Variants in ATP2B2 observed in about 807,000 individuals in gnomAD.
ATP2B2 encodes the protein ATPase plasma membrane Ca2+ transporting 2.
ATP2B2 carries 15 observed loss-of-function variants against 120.0 expected under a neutral mutation model. The ratio of observed to expected loss-of-function variants is 0.12; its 90% CI spans 0.08 to 0.19. The LOEUF (loss-of-function observed/expected upper bound fraction) is 0.19, where lower values mean the gene tolerates loss of function less well. ATP2B2 is among the 10% of genes least tolerant of loss of function. The pLI is 1.00. For synonymous variants in ATP2B2, 694 were observed against 700.3 expected, an observed-to-expected ratio of 0.99 and a Z score of 0.14; for missense variants, 1,045 against 1,719.8, an observed-to-expected ratio of 0.61 and a Z score of 6.94.
chr3:10,581,557 G>C (rs2125561678), intron 2 of ATP2B2, among the ~76,000 whole-genome samples: 1 of 152,354 alleles, frequency 6.6e-6, no homozygotes, highest in African/African-American at 2.4e-5. Context: ...AGGGTCCCAA[G>C]AGGCTGCCAA....
Position 10,346,226 on chromosome 3 carries a change from G to C in ATP2B2, c.2405-89C>G. On this transcript the variant is annotated intron_variant, in intron 16 of 22. Coordinates refer to ENST00000360273, the MANE Select transcript of ATP2B2 (RefSeq NM_001001331.4). This position sits in a 1 kb window ranked among gnomAD's most constrained non-coding sequence, Gnocchi z 4.1. ...CTGGTCCTCGGGAGGGGCCTGGCTG[G>C]GCATGGCTTCCTCTCTGGTCCCTGT... The C allele has an allele frequency of 7.7e-7, 1 of 1,303,200 alleles. No homozygotes were observed. 80.7% of individuals were successfully genotyped at this position (1,303,200 alleles called of 1,614,324 possible).
At chr3:10,535,027 C>A (rs1031399165) in intron 2 of ATP2B2, among the ~76,000 whole-genome samples, 1 of 151,308 alleles carries the variant, frequency 6.6e-6, no homozygotes. Flanking sequence ...CCTCAGCCTC[C>A]CAAGGGGCCA....
intron 2 of ATP2B2, among the ~76,000 whole-genome samples, chr3:10,578,710 G>T (rs1020149536): frequency 2.6e-5 from 4 of 151,908 alleles, no homozygotes; most frequent in African/African-American, 9.7e-5. Context: ...GTCTGACAAT[G>T]AAATACTACA....
At chr3:10,601,231 C>G (rs1287100310) in intron 2 of ATP2B2, among the ~76,000 whole-genome samples, 1 of 152,158 alleles carries the variant, frequency 6.6e-6, no homozygotes, top group East Asian at 1.9e-4. Flanking sequence ...ATGATTGGTG[C>G]CCAGCGTGAG....
intron 1 of ATP2B2, among the ~76,000 whole-genome samples, chr3:10,656,665 T>C (rs2070637055): frequency 6.6e-6 from 1 of 152,144 alleles, no homozygotes; most frequent in African/African-American, 2.4e-5. Flanking sequence ...CTCACACAGC[T>C]CAAATTCTAG....
chr3:10,569,879 A>G (rs2068085949), intron 2 of ATP2B2, among the ~76,000 whole-genome samples: 1 of 152,186 alleles, frequency 6.6e-6, no homozygotes, highest in Admixed American at 6.5e-5. Context: ...TTTGCCTAAC[A>G]CAGACTGGGA....
At chr3:10,497,099 C>T (rs769033331) in intron 1 of ATP2B2, among the ~76,000 whole-genome samples, 1 of 152,250 alleles carries the variant, frequency 6.6e-6, no homozygotes, top group Non-Finnish European at 1.5e-5. Context: ...AGTTAGGCCC[C>T]TTCCACTGTT....
rs1574911067 is a variant in ATP2B2 at position 10,327,132 on chromosome 3, C to T, written c.*1682G>A. 3 of 292,546 alleles carry T rather than the reference C, an allele frequency of 1.0e-5. No homozygotes were observed. The highest frequency in any genetic ancestry group is 5.1e-5 in the Admixed American group (1 of 19,470). 18.1% of individuals were successfully genotyped at this position (292,546 alleles called of 1,614,324 possible). ...AATACAAAAGTTCTTTTATGAAAAA[C>T]GCTGAGACCCACAAAGTGCTTAGCA... On this transcript the variant is annotated 3_prime_UTR_variant, in exon 23 of 23. Coordinates refer to ENST00000360273, the MANE Select transcript of ATP2B2 (RefSeq NM_001001331.4).
intron 1 of ATP2B2, among the ~76,000 whole-genome samples, chr3:10,677,460 TATG>T (rs1171424360): frequency 2.6e-5 from 4 of 152,198 alleles, no homozygotes; most frequent in Non-Finnish European, 4.4e-5. Flanking sequence ...ACCTACTCTG[TATG>T]ATACTATAAT....
At chr3:10,561,384 AC>A (rs902435367) in intron 2 of ATP2B2, among the ~76,000 whole-genome samples, 3 of 151,988 alleles carry the variant, frequency 2.0e-5, no homozygotes, top group Non-Finnish European at 2.9e-5. Context: ...ATACTGGTTA[AC>A]CCCCCAGCGG....
intron 1 of ATP2B2, among the ~76,000 whole-genome samples, chr3:10,453,089 G>C (rs921223367): frequency 3.9e-5 from 6 of 152,206 alleles, no homozygotes; most frequent in African/African-American, 1.4e-4. Flanking sequence ...CAAGCACTCT[G>C]AGTGTTTTAC....
upstream of ATP2B2, among the ~76,000 whole-genome samples, chr3:10,510,254 T>C (rs2125435047): frequency 6.6e-6 from 1 of 152,354 alleles, no homozygotes; most frequent in South Asian, 2.1e-4. Context: ...ACTGACATCC[T>C]ACTATGTGCC....
chr3:10,418,677 G>T (rs1404485076), intron 2 of ATP2B2, among the ~76,000 whole-genome samples: 1 of 152,168 alleles, frequency 6.6e-6, no homozygotes, highest in Non-Finnish European at 1.5e-5. Flanking sequence ...TACACTAACT[G>T]CCCTCTGAGG....
intron 1 of ATP2B2, among the ~76,000 whole-genome samples, chr3:10,653,417 C>T (rs1289954215): frequency 6.6e-6 from 1 of 152,190 alleles, no homozygotes; most frequent in Non-Finnish European, 1.5e-5. Context: ...CTGATGGAGA[C>T]AGGGCAGGAT....
intron 1 of ATP2B2, among the ~76,000 whole-genome samples, chr3:10,669,673 C>T (rs2071042317): frequency 6.6e-6 from 1 of 152,212 alleles, no homozygotes; most frequent in Admixed American, 6.5e-5. Flanking sequence ...TAGACGAGGG[C>T]TCCCTCAGGG....
intron 3 of ATP2B2, among the ~76,000 whole-genome samples, chr3:10,406,725 C>G (rs2062425858): frequency 6.6e-6 from 1 of 152,232 alleles, no homozygotes; most frequent in Admixed American, 6.5e-5. Context: ...TAACCATCTA[C>G]AATGGGCCAG....
intron 4 of ATP2B2, among the ~76,000 whole-genome samples, chr3:10,401,468 C>T (rs150077767): frequency 9.2e-5 from 14 of 152,234 alleles, no homozygotes; most frequent in African/African-American, 3.4e-4. Context: ...TTTAGAAGAC[C>T]GCAACCAAGT....
intron 1 of ATP2B2, among the ~76,000 whole-genome samples, chr3:10,648,066 G>A (rs969371059): frequency 2.6e-5 from 4 of 152,196 alleles, no homozygotes; most frequent in Admixed American, 2.0e-4. Flanking sequence ...GGAGCACTTG[G>A]GCATATAAGT....
chr3:10,362,774 C>T (rs941823153), intron 12 of ATP2B2, among the ~76,000 whole-genome samples: 1 of 152,206 alleles, frequency 6.6e-6, no homozygotes, highest in Non-Finnish European at 1.5e-5. Flanking sequence ...GACACAGCTT[C>T]CCATGTCTGA....
Sources: gnomAD v4.1 joint callset for allele counts (sites outside exome capture counted in the v4.1 genomes callset) on GRCh38, gnomAD v4.1.1 for gene constraint, Gnocchi (gnomAD v3.1) non-coding constraint, MANE v1.5 for transcripts, NCBI Gene and HGNC (gene_info 2026-07-23, HGNC 2026-07-21) for gene names.